Variants in HELZ observed in about 807,000 individuals in gnomAD.
HELZ encodes the protein helicase with zinc finger.
Under a neutral mutation model 218.2 loss-of-function variants are expected in HELZ, and 23 were observed. The ratio of observed to expected loss-of-function variants is 0.11; its 90% CI spans 0.08 to 0.15. The LOEUF (loss-of-function observed/expected upper bound fraction) is 0.15. HELZ is among the 10% of genes least tolerant of loss of function. The pLI, the probability that HELZ is intolerant of heterozygous loss-of-function variation, is 1.00. For synonymous variants in HELZ, 814 were observed against 829.4 expected (o/e 0.98, Z 0.32); for missense variants, 1,813 against 2,353.7 (o/e 0.77, Z 4.75).
At chr17:67,084,259 G>A (rs1209554069) in intron 32 of HELZ, among the ~76,000 whole-genome samples, 1 of 152,186 alleles carries the variant, frequency 6.6e-6, no homozygotes, top group Non-Finnish European at 1.5e-5. Context: ...TATATTTGCA[G>A]AAAAGATACC....
rs1319104968 is a variant in HELZ, at chr17:67,120,608, G to C, written c.3635C>G (p.Pro1212Arg). ...NVVMSVPLPV[P>R]WTGYQGRFAV... is the part of the protein sequence containing the mutation. ...AAACCTACCCTGGTATCCTGTCCAT[G>C]GTACCTAGGTTATTAAAAAATAAAA... Residue 1212 changes from proline (P) to arginine (R), a missense_variant, in exon 27 of 33, where the codon CCA (proline) becomes CGA (arginine). This residue lies in a region of HELZ where 938 missense variants were observed against 1,027.5 expected (regional missense o/e 0.91). Coordinates refer to ENST00000358691, the MANE Select transcript of HELZ (RefSeq NM_014877.4). 7 of 1,608,894 alleles carry C rather than the reference G, an allele frequency of 4.4e-6. No individual in the cohort carries two copies. Among genetic ancestry groups the C allele is most frequent in the Non-Finnish European group, 5.9e-6 (7 of 1,176,756 alleles).
chr17:67,147,324 C>G (rs1295488989), intron 20 of HELZ, among the ~76,000 whole-genome samples: 4 of 152,070 alleles, frequency 2.6e-5, no homozygotes, highest in African/African-American at 9.7e-5. Context: ...ATATATTCAT[C>G]CACAGTTCCT....
chr17:67,206,826 C>T (rs189064691), intron 5 of HELZ, among the ~76,000 whole-genome samples: 1,670 of 148,570 alleles, frequency 0.011, 31 homozygotes, highest in African/African-American at 0.038. Flanking sequence ...CTTGAACTCC[C>T]GACCTCAGGT....
intron 9 of HELZ, among the ~76,000 whole-genome samples, chr17:67,191,006 C>A (rs1253764037): frequency 6.6e-6 from 1 of 152,148 alleles, no homozygotes; most frequent in Non-Finnish European, 1.5e-5. Context: ...CCACGCCCAG[C>A]CAGAGTAGGA....
At chr17:67,179,042 T>C in intron 12 of HELZ, 116 bp from the exon 13 acceptor site, 1 of 653,514 alleles carries the variant, frequency 1.5e-6, no homozygotes, top group Non-Finnish European at 2.5e-6. Context: ...ATGCTAGAGC[T>C]CAAATTCTTA....
intron 3 of HELZ, among the ~76,000 whole-genome samples, chr17:67,232,145 T>C (rs2041055488): frequency 6.6e-6 from 1 of 151,940 alleles, no homozygotes; most frequent in Non-Finnish European, 1.5e-5. Flanking sequence ...ATCTGTATTT[T>C]ATAATTTTTT....
chr17:67,080,289 G>A (rs2036149337), intron 32 of HELZ, among the ~76,000 whole-genome samples: 1 of 151,902 alleles, frequency 6.6e-6, no homozygotes, highest in Non-Finnish European at 1.5e-5. Flanking sequence ...TCTGTATCTG[G>A]GCTTTCTAGT....
chr17:67,212,873 G>A (rs1486696222), intron 5 of HELZ, among the ~76,000 whole-genome samples: 1 of 152,108 alleles, frequency 6.6e-6, no homozygotes, highest in Non-Finnish European at 1.5e-5. Flanking sequence ...GTGGGTCAAA[G>A]GGTATGAATA....
At chr17:67,203,224 G>A in intron 6 of HELZ, 95 bp downstream of exon 6, 2 of 1,323,888 alleles carry the variant, frequency 1.5e-6, no homozygotes, top group South Asian at 1.5e-5. Context: ...AGAACTAAAA[G>A]AAAAAAAGAT....
intron 27 of HELZ, among the ~76,000 whole-genome samples, chr17:67,114,729 C>T (rs1472342020): frequency 2.0e-5 from 3 of 152,196 alleles, no homozygotes; most frequent in Non-Finnish European, 2.9e-5. Context: ...TAAAGGCCTT[C>T]GCCTTCTTGC....
At chr17:67,222,651 G>C (rs1424505401) in intron 3 of HELZ, among the ~76,000 whole-genome samples, 1 of 152,102 alleles carries the variant, frequency 6.6e-6, no homozygotes, top group Non-Finnish European at 1.5e-5. Flanking sequence ...CTGTTTTGTC[G>C]AGCTTTTCAG....
At chr17:67,201,062 A>T in intron 7 of HELZ, 67 bp downstream of exon 7, 1 of 1,209,032 alleles carries the variant, frequency 8.3e-7, no homozygotes, top group Non-Finnish European at 1.2e-6. Flanking sequence ...TCCAAATTTT[A>T]ATACATAATG....
Position 67,143,137 on chromosome 17 carries a change from A to T in HELZ, c.2769+2606T>A, listed in dbSNP as rs956981148. On this transcript the variant is annotated intron_variant, in intron 21 of 32. Coordinates refer to ENST00000358691, the MANE Select transcript of HELZ (RefSeq NM_014877.4). ...TAACAATTATAAATATAGATAATTAATTGCAGATTCTCAAAACATATGAGG... is the reference window on the plus strand; with the variant it reads ...TAACAATTATAAATATAGATAATTATTTGCAGATTCTCAAAACATATGAGG... 2.0e-5 allele frequency among the ~76,000 whole-genome samples: 3 copies of T among 152,246 alleles called. No individual in the cohort carries two copies. In the South Asian group the frequency reaches 6.2e-4, roughly 32 times the overall value.
At chr17:67,245,273 G>A (rs2041452819), upstream of HELZ, 1 of 933,614 alleles carries the variant, frequency 1.1e-6, no homozygotes, top group Non-Finnish European at 1.3e-6. Context: ...CGCCGGCGCC[G>A]CCCCCTCCGG....
Position 67,076,899 on chromosome 17 carries a change from A to C in HELZ, c.*1353T>G, listed in dbSNP as rs1216547804. 2 of 152,296 alleles carry C rather than the reference A, an allele frequency of 1.3e-5. No individual in the cohort carries two copies. Among genetic ancestry groups the C allele is most frequent in the Middle Eastern group, 3.4e-3 (1 of 294 alleles). 9.4% of individuals were successfully genotyped at this position (152,296 alleles called of 1,614,324 possible). On this transcript the variant is annotated 3_prime_UTR_variant, in exon 33 of 33. Transcript: ENST00000358691. ...ATTGTAGTTTCGAGATACCTCTGAA[A>C]TATAAAAGTAGTATTACAAGGTCAG...
In HELZ at chr17:67,160,299, T is replaced by C. The variant is rs746715676; in HGVS notation, c.2139A>G (p.Pro713=). ...CCTGGGGATTGCCTGCTTCTACATA[T>C]GGATGTAAATAATCCTTTATGTAGA... The part of the protein sequence containing the change: ...ADLYIKDYLH[P]YVEAGNPQAR... The change falls in exon 17 of 33, where the codon CCA becomes CCG. Residue 713 remains proline (P), a synonymous_variant. Transcript: ENST00000358691. The C allele has an allele frequency of 8.1e-6, 13 of 1,612,500 alleles. No individual in the cohort carries two copies. The South Asian group carries it at 1.3e-4, about 16-fold the overall frequency.
At chr17:67,225,334 C>A (rs570746385) in intron 3 of HELZ, 1 of 172,672 alleles carries the variant, frequency 5.8e-6, no homozygotes, top group Non-Finnish European at 1.2e-5. Context: ...ACACTGTAAA[C>A]GACAGAGGCA....
chr17:67,140,354 A>G (rs1430299377), intron 21 of HELZ, among the ~76,000 whole-genome samples: 1 of 152,180 alleles, frequency 6.6e-6, no homozygotes, highest in African/African-American at 2.4e-5. Context: ...AACTGGCAAA[A>G]TTCTGCCTCC....
chr17:67,195,506 G>C, intron 7 of HELZ, 36 bp from the exon 8 acceptor site: 1 of 1,218,220 alleles, frequency 8.2e-7, no homozygotes, highest in Non-Finnish European at 1.2e-6. Flanking sequence ...TTTTAAACAA[G>C]AATAACGTTG....
Sources: gnomAD v4.1 joint callset for allele counts (sites outside exome capture counted in the v4.1 genomes callset) on GRCh38, gnomAD v4.1.1 for gene constraint, gnomAD v4.1.1 regional missense constraint, MANE v1.5 for transcripts, NCBI Gene and HGNC (gene_info 2026-07-23, HGNC 2026-07-21) for gene names.